SLC25A21: variants seen among roughly 807,000 people sequenced by gnomAD.
SLC25A21 encodes the protein solute carrier family 25 member 21, also known as mitochondrial 2-oxodicarboxylate carrier.
A neutral mutation model predicts 43.8 loss-of-function variants in SLC25A21; 47 were observed. The ratio of observed to expected loss-of-function variants is 1.07; its 90% CI spans 0.85 to 1.37. SLC25A21 has a LOEUF of 1.37. Among genes scored for constraint, SLC25A21 ranks in the 40% most tolerant of loss-of-function variants. The pLI, the probability that SLC25A21 is intolerant of heterozygous loss-of-function variation, is 0.00. For synonymous variants in SLC25A21, 131 were observed against 121.3 expected (o/e 1.08, Z -0.52); for missense variants, 352 against 350.2 (o/e 1.00, Z -0.04).
chr14:36,995,210 G>C (rs576742914), intron 1 of SLC25A21, among the ~76,000 whole-genome samples: 1 of 152,064 alleles, frequency 6.6e-6, no homozygotes, highest in Non-Finnish European at 1.5e-5. Flanking sequence ...AAAATGTCAC[G>C]CTACAAAAAA....
chr14:36,949,144 T>C (rs1225490592), intron 1 of SLC25A21, among the ~76,000 whole-genome samples: 4 of 152,182 alleles, frequency 2.6e-5, no homozygotes, highest in African/African-American at 9.7e-5. Context: ...CAGCTTTCTT[T>C]GAGGGAGAAA....
Position 36,886,123 on chromosome 14 carries a change from C to G in SLC25A21, c.71-11119G>C, listed in dbSNP as rs1309921843. Among the ~76,000 whole-genome samples the G allele has an allele frequency of 3.9e-5, 6 of 152,258 alleles. No individual in the cohort carries two copies. In the East Asian group the frequency reaches 1.2e-3, roughly 29 times the overall value. On this transcript the variant is annotated intron_variant, in intron 1 of 9. Transcript: ENST00000331299. ...CAGAACTGATATATTTTCATCTGCT[C>G]TAGTAGTCAAGCAAATCATTACAAC...
Position 37,172,389 on chromosome 14 carries a change from C to G in SLC25A21, c.-39G>C, listed in dbSNP as rs201118636. The G allele has an allele frequency of 1.3e-6, 2 of 1,559,920 alleles. No homozygotes were observed. ...GAGGACAAGGGAGTGGGCTGAGATG[C>G]GTCAACGAGCTCGCAGCCTGCACAG... On this transcript the variant is annotated 5_prime_UTR_variant, in exon 1 of 10. Coordinates refer to ENST00000331299, the MANE Select transcript of SLC25A21 (RefSeq NM_030631.4).
intron 7 of SLC25A21, among the ~76,000 whole-genome samples, chr14:36,689,627 A>G (rs1882709507): frequency 2.6e-5 from 4 of 152,192 alleles, no homozygotes; most frequent in Admixed American, 2.6e-4. Flanking sequence ...TCTGGAGTCC[A>G]GTTACTCACA....
chr14:36,775,063 T>C (rs1886774455), intron 3 of SLC25A21, among the ~76,000 whole-genome samples: 3 of 152,210 alleles, frequency 2.0e-5, no homozygotes, highest in Admixed American at 2.0e-4. Context: ...ATAACAGTAA[T>C]TACACACTCA....
chr14:36,947,287 A>C (rs1892700144), intron 1 of SLC25A21, among the ~76,000 whole-genome samples: 1 of 152,200 alleles, frequency 6.6e-6, no homozygotes, highest in Admixed American at 6.5e-5. Flanking sequence ...CCACTACAGC[A>C]TTTATTTTAC....
chr14:37,124,911 G>A (rs1430050680), intron 1 of SLC25A21, among the ~76,000 whole-genome samples: 1 of 152,170 alleles, frequency 6.6e-6, no homozygotes, highest in East Asian at 1.9e-4. Context: ...ATGAGCCAAA[G>A]CTCCCTGAGG....
intron 7 of SLC25A21, among the ~76,000 whole-genome samples, chr14:36,686,958 A>G (rs1882581796): frequency 6.6e-6 from 1 of 151,938 alleles, no homozygotes; most frequent in Non-Finnish European, 1.5e-5. Context: ...CTTTGTTTGT[A>G]TTTATTTATT....
intron 1 of SLC25A21, among the ~76,000 whole-genome samples, chr14:37,169,429 A>T (rs1964084471): frequency 6.6e-6 from 1 of 152,056 alleles, no homozygotes; most frequent in Non-Finnish European, 1.5e-5. Context: ...TCAGCACTCC[A>T]GCCCCTTATT....
intron 7 of SLC25A21, 29 bp downstream of exon 7, chr14:36,711,289 T>C: frequency 6.2e-7 from 1 of 1,606,084 alleles, no homozygotes; most frequent in Non-Finnish European, 8.5e-7. Context: ...GGATTTTTCC[T>C]CCAGGATTTT....
chr14:36,885,659 C>T (rs1890892161), intron 1 of SLC25A21, among the ~76,000 whole-genome samples: 1 of 152,098 alleles, frequency 6.6e-6, no homozygotes, highest in South Asian at 2.1e-4. Context: ...AGTAAGTGTA[C>T]TGATAAGTTT....
intron 3 of SLC25A21, among the ~76,000 whole-genome samples, chr14:36,786,309 GTTC>G (rs1473805924): frequency 1.3e-5 from 2 of 152,162 alleles, no homozygotes; most frequent in African/African-American, 4.8e-5. Flanking sequence ...CCTCTATACT[GTTC>G]TTCAAATATA....
intron 1 of SLC25A21, among the ~76,000 whole-genome samples, chr14:37,095,918 G>C (rs968753272): frequency 1.3e-5 from 2 of 152,076 alleles, no homozygotes; most frequent in Admixed American, 6.6e-5. Flanking sequence ...GCCTCAGGTT[G>C]TGGATATTTT....
At chr14:37,116,601 CA>C (rs946024990) in intron 1 of SLC25A21, among the ~76,000 whole-genome samples, 2 of 150,302 alleles carry the variant, frequency 1.3e-5, no homozygotes, top group Admixed American at 6.6e-5. Flanking sequence ...CCTTTTGGTT[CA>C]AAAAAAAATA....
At chr14:36,850,690 A>T (rs1434401216) in intron 2 of SLC25A21, among the ~76,000 whole-genome samples, 1 of 152,186 alleles carries the variant, frequency 6.6e-6, no homozygotes, top group Non-Finnish European at 1.5e-5. Flanking sequence ...CTCTACCAGC[A>T]TCTAAGATCT....
chr14:37,081,534 TCAAA>T (rs1480206223), intron 1 of SLC25A21, among the ~76,000 whole-genome samples: 2 of 152,196 alleles, frequency 1.3e-5, no homozygotes, highest in African/African-American at 4.8e-5. Context: ...GACTGTTGTA[TCAAA>T]CAGGAATTTC....
chr14:36,903,324 T>A (rs1309561982), intron 1 of SLC25A21, among the ~76,000 whole-genome samples: 2 of 152,092 alleles, frequency 1.3e-5, no homozygotes, highest in Admixed American at 1.3e-4. Context: ...CCCACAGATG[T>A]GTTTTGTTCA....
chr14:37,169,005 T>C (rs1329861601), intron 1 of SLC25A21, among the ~76,000 whole-genome samples: 1 of 152,146 alleles, frequency 6.6e-6, no homozygotes, highest in African/African-American at 2.4e-5. Flanking sequence ...CTAGTTTCAG[T>C]TGAACGCAAG....
chr14:36,787,892 T>A (rs574269593), intron 3 of SLC25A21, among the ~76,000 whole-genome samples: 1 of 152,328 alleles, frequency 6.6e-6, no homozygotes, highest in South Asian at 2.1e-4. Flanking sequence ...GCAAGCATGC[T>A]TGTTTTAATC....
Sources: allele counts gnomAD v4.1 joint callset (sites outside exome capture counted in the v4.1 genomes callset), GRCh38; gene constraint gnomAD v4.1.1; transcripts MANE v1.5; gene names NCBI Gene and HGNC (gene_info 2026-07-23, HGNC 2026-07-21).